Variants in PDGFC observed in about 807,000 individuals in gnomAD.
The protein encoded by PDGFC is platelet derived growth factor C.
PDGFC carries 12 observed loss-of-function variants against 35.5 expected under a neutral mutation model. That is an observed-to-expected ratio of 0.34 (90% CI 0.22 to 0.55). PDGFC has a LOEUF of 0.55. Ranked by LOEUF, PDGFC falls within the 20% of genes least tolerant of loss-of-function variation. The pLI, the probability that PDGFC is intolerant of heterozygous loss-of-function variation, is 0.91. For missense variants in PDGFC, 322 were observed against 412.4 expected (o/e 0.78, Z 1.90); for synonymous variants, 159 against 148.8 (o/e 1.07, Z -0.50).
At chr4:156,834,263 T>C (rs1729010853) in intron 2 of PDGFC, among the ~76,000 whole-genome samples, 1 of 152,284 alleles carries the variant, frequency 6.6e-6, no homozygotes, top group East Asian at 1.9e-4. Flanking sequence ...TATCAAACTA[T>C]TATAATCACT....
chr4:156,934,341 A>T (rs1731625952), intron 1 of PDGFC, among the ~76,000 whole-genome samples: 2 of 152,214 alleles, frequency 1.3e-5, no homozygotes, highest in Admixed American at 1.3e-4. Context: ...ATATCTAAAC[A>T]TAGAAAAGGT....
chr4:156,793,613 A>G (rs984570496), intron 3 of PDGFC, among the ~76,000 whole-genome samples: 1 of 149,550 alleles, frequency 6.7e-6, no homozygotes, highest in Non-Finnish European at 1.5e-5. Flanking sequence ...ACACTTTAAA[A>G]TTTGTCCTTA....
chr4:156,820,942 T>A (rs1436533553), intron 2 of PDGFC, among the ~76,000 whole-genome samples: 1 of 152,166 alleles, frequency 6.6e-6, no homozygotes, highest in East Asian at 1.9e-4. Flanking sequence ...TTCCAATATT[T>A]TGGAAAAAGG....
intron 2 of PDGFC, among the ~76,000 whole-genome samples, chr4:156,825,601 A>ATAG (rs1732440326): frequency 9.5e-6 from 1 of 105,772 alleles, no homozygotes; most frequent in African/African-American, 3.8e-5. Flanking sequence ...AATAAGAAGA[A>ATAG]GAAGAAGAAG....
intron 1 of PDGFC, among the ~76,000 whole-genome samples, chr4:156,939,171 T>C (rs1429858290): frequency 1.3e-5 from 2 of 152,106 alleles, no homozygotes; most frequent in African/African-American, 4.8e-5. Context: ...AATTTACATA[T>C]CGTTTTTTAG....
intron 1 of PDGFC, among the ~76,000 whole-genome samples, chr4:156,914,190 A>C (rs904214965): frequency 8.5e-5 from 13 of 152,194 alleles, no homozygotes; most frequent in African/African-American, 3.1e-4. Context: ...CTAAGGGATA[A>C]CAATGCCAAA....
intron 3 of PDGFC, among the ~76,000 whole-genome samples, chr4:156,808,473 A>G (rs1731833228): frequency 6.6e-6 from 1 of 152,026 alleles, no homozygotes; most frequent in African/African-American, 2.4e-5. Flanking sequence ...GAGCAAAAAG[A>G]GAAAAATAAA....
intron 1 of PDGFC, among the ~76,000 whole-genome samples, chr4:156,964,326 T>C (rs1732412828): frequency 6.6e-6 from 1 of 151,028 alleles, no homozygotes; most frequent in Non-Finnish European, 1.5e-5. Context: ...GTAACCATTA[T>C]AAAGGTAGTA....
rs1732582317 is a variant in PDGFC, at chr4:156,971,092, G to A, written c.-189C>T. The A allele has an allele frequency of 1.8e-6, 1 of 554,968 alleles. No individual in the cohort carries two copies. The highest frequency in any genetic ancestry group is 3.2e-6 in the Non-Finnish European group (1 of 310,546). 34.4% of individuals were successfully genotyped at this position (554,968 alleles called of 1,614,324 possible). A position where few individuals can be genotyped will look rare whatever the true frequency, so the allele number is the denominator to read the frequency against. On this transcript the variant is annotated 5_prime_UTR_variant, in exon 1 of 6. Coordinates refer to ENST00000502773, the MANE Select transcript of PDGFC (RefSeq NM_016205.3). Reference sequence around the variant, plus strand: ...ACTTTTTCCTAGAGCCCTCTTCTGTGTCTCCAGTTTTTGAAAAGGATCAAA... The same window carrying A: ...ACTTTTTCCTAGAGCCCTCTTCTGTATCTCCAGTTTTTGAAAAGGATCAAA...
At chr4:156,902,860 C>G (rs1730822618) in intron 1 of PDGFC, among the ~76,000 whole-genome samples, 1 of 152,044 alleles carries the variant, frequency 6.6e-6, no homozygotes, top group South Asian at 2.1e-4. Flanking sequence ...ATATTTCTTT[C>G]TTTTTTACGT....
intron 1 of PDGFC, among the ~76,000 whole-genome samples, chr4:156,927,963 A>G (rs888676089): frequency 6.6e-6 from 1 of 152,188 alleles, no homozygotes; most frequent in Non-Finnish European, 1.5e-5. Context: ...ATGGCTGAGG[A>G]GGCCTCAGAA....
chr4:156,816,568 T>C (rs979090261), intron 2 of PDGFC, among the ~76,000 whole-genome samples: 1 of 152,158 alleles, frequency 6.6e-6, no homozygotes, highest in Non-Finnish European at 1.5e-5. Flanking sequence ...CATTTAATCC[T>C]CACAACAATC....
In PDGFC at chr4:156,971,605, A is replaced by C. The variant is rs1187900343; in HGVS notation, c.-702T>G. 6.6e-6 allele frequency among the ~76,000 whole-genome samples: 1 copy of C among 151,452 alleles called. No homozygotes were observed. Among genetic ancestry groups the C allele is most frequent in the Admixed American group, 6.6e-5 (1 of 15,220 alleles). On this transcript the variant is annotated 5_prime_UTR_variant, in exon 1 of 6. Coordinates refer to ENST00000502773, the MANE Select transcript of PDGFC (RefSeq NM_016205.3). ...GGCCCCGGGTTCGGAGCGCCGCAGCACGGATTCCGGCACCTGGCTTGAGTT... is the reference window on the plus strand; with the variant it reads ...GGCCCCGGGTTCGGAGCGCCGCAGCCCGGATTCCGGCACCTGGCTTGAGTT...
intron 2 of PDGFC, among the ~76,000 whole-genome samples, chr4:156,823,117 T>C (rs1732316206): frequency 6.6e-6 from 1 of 152,214 alleles, no homozygotes; most frequent in African/African-American, 2.4e-5. Flanking sequence ...AAAATGTCAC[T>C]ACTGGCCAGG....
chr4:156,874,102 A>G (rs1052464753), intron 1 of PDGFC: 3 of 152,304 alleles, frequency 2.0e-5, no homozygotes, highest in Admixed American at 1.3e-4. Flanking sequence ...GCAGTGTGGC[A>G]TGGTCAAATA....
chr4:156,827,993 C>G (rs1295730626), intron 2 of PDGFC, among the ~76,000 whole-genome samples: 2 of 152,198 alleles, frequency 1.3e-5, no homozygotes. Flanking sequence ...GGCCTCTCCT[C>G]CGAACATGCA....
At chr4:156,786,574 G>T (rs1226637415) in intron 3 of PDGFC, among the ~76,000 whole-genome samples, 1 of 152,116 alleles carries the variant, frequency 6.6e-6, no homozygotes, top group Non-Finnish European at 1.5e-5. Context: ...TGGACCAAAG[G>T]TTGGAGATAA....
At chr4:156,840,011 G>A (rs193231476) in intron 2 of PDGFC, among the ~76,000 whole-genome samples, 5 of 152,304 alleles carry the variant, frequency 3.3e-5, no homozygotes, top group Admixed American at 2.6e-4. Context: ...AGGTGACAGA[G>A]CATAAGAGTT....
chr4:156,790,491 G>C (rs1731266880), intron 3 of PDGFC, among the ~76,000 whole-genome samples: 2 of 152,180 alleles, frequency 1.3e-5, no homozygotes. Context: ...TTGTGAATCA[G>C]ATGGAAGATA....
Sources: gnomAD v4.1 joint callset for allele counts (sites outside exome capture counted in the v4.1 genomes callset) on GRCh38, gnomAD v4.1.1 for gene constraint, MANE v1.5 for transcripts, NCBI Gene and HGNC (gene_info 2026-07-23, HGNC 2026-07-21) for gene names.